DDHD1: variants seen among roughly 807,000 people sequenced by gnomAD.
DDHD1 encodes the protein DDHD domain containing 1, also known as phospholipase DDHD1.
A neutral mutation model predicts 96.4 loss-of-function variants in DDHD1; 49 were observed. That is an observed-to-expected ratio of 0.51 (90% CI 0.40 to 0.64). The LOEUF (loss-of-function observed/expected upper bound fraction) is 0.64. DDHD1 is among the 30% of genes least tolerant of loss of function. The pLI, the probability that DDHD1 is intolerant of heterozygous loss-of-function variation, is 0.00. For missense variants in DDHD1, 1,106 were observed against 1,161.2 expected, an observed-to-expected ratio of 0.95 and a Z score of 0.69; for synonymous variants, 442 against 446.5, an observed-to-expected ratio of 0.99 and a Z score of 0.13.
At chr14:53,120,432 G>A (rs1888896939) in intron 1 of DDHD1, among the ~76,000 whole-genome samples, 1 of 152,016 alleles carries the variant, frequency 6.6e-6, no homozygotes, top group Non-Finnish European at 1.5e-5. Flanking sequence ...TTTCTTTGCA[G>A]AATTAGAAAA....
At chr14:53,119,040 A>G (rs996812992) in intron 1 of DDHD1, among the ~76,000 whole-genome samples, 1 of 152,230 alleles carries the variant, frequency 6.6e-6, no homozygotes, top group African/African-American at 2.4e-5. Flanking sequence ...TTTTCAACCC[A>G]GAATCTCATA....
At chr14:53,070,267 T>A (rs1350520455) in intron 6 of DDHD1, among the ~76,000 whole-genome samples, 2 of 152,162 alleles carry the variant, frequency 1.3e-5, no homozygotes, top group Non-Finnish European at 2.9e-5. Flanking sequence ...AATTCATTAT[T>A]TTCTTTATGT....
chr14:53,056,557 A>G (rs1328333766), intron 9 of DDHD1, among the ~76,000 whole-genome samples: 5 of 152,044 alleles, frequency 3.3e-5, no homozygotes. Context: ...TCAGCCTCCC[A>G]AAGGGTTGGG....
Position 53,153,040 on chromosome 14 carries a change from C to G in DDHD1, c.59G>C (p.Gly20Ala). The G allele has an allele frequency of 6.7e-7, 1 of 1,496,896 alleles. No homozygotes were observed. Among genetic ancestry groups the G allele is most frequent in the South Asian group, 1.3e-5 (1 of 77,656 alleles). 92.7% of individuals were successfully genotyped at this position (1,496,896 alleles called of 1,614,324 possible). The change falls in exon 1 of 13, where the codon GGC (glycine) becomes GCC (alanine). Residue 20 changes from glycine (G) to alanine (A), a missense_variant. This residue lies in a region of DDHD1 where 456 missense variants were observed against 402.4 expected (regional missense o/e 1.13). Coordinates refer to ENST00000673822, the MANE Select transcript of DDHD1 (RefSeq NM_001160148.2). ...RSPEHNGRGG[G>A]GGAWELGSDA... is the part of the protein sequence containing the mutation. ...TGAGCCCAGCTCCCAGGCGCCGCCG[C>G]CGCCGCCTCGGCCGTTATGCTCGGG...
intron 12 of DDHD1, 34 bp from the exon 13 acceptor site, chr14:53,046,983 G>T (rs1378056389): frequency 1.3e-6 from 2 of 1,539,734 alleles, no homozygotes; most frequent in Admixed American, 3.9e-5. Context: ...AATGAATACA[G>T]ATTATAATAA....
At chr14:53,074,318 T>C (rs2139920347) in intron 4 of DDHD1, among the ~76,000 whole-genome samples, 1 of 151,964 alleles carries the variant, frequency 6.6e-6, no homozygotes, top group Non-Finnish European at 1.5e-5. Flanking sequence ...TTAGCACATG[T>C]GCAGATTTGT....
rs931484005 is a variant in DDHD1, at chr14:53,042,538, C to T, written c.*4230G>A. On this transcript the variant is annotated 3_prime_UTR_variant, in exon 13 of 13. Transcript: ENST00000673822. Reference sequence around the variant, plus strand: ...TGATCTCTAAAAATCTGTACAGACCCGGAAATTTTACAGTTCTTTGAAAAC... The same window carrying T: ...TGATCTCTAAAAATCTGTACAGACCTGGAAATTTTACAGTTCTTTGAAAAC... The T allele has an allele frequency of 1.2e-4, 18 of 152,102 alleles. No individual in the cohort carries two copies. The highest frequency in any genetic ancestry group is 1.1e-3 in the Admixed American group (17 of 15,256). The allele number at this position is 152,102 out of a possible 1,614,324, so 9.4% of individuals were successfully genotyped here.
intron 4 of DDHD1, among the ~76,000 whole-genome samples, chr14:53,074,285 T>G (rs2065818): frequency 1.3e-5 from 2 of 151,820 alleles, no homozygotes; most frequent in African/African-American, 4.8e-5. Context: ...CTTTTCTCCC[T>G]TTTGGTGTCA....
At position 53,103,665 on chromosome 14, in the gene DDHD1, T is replaced by C. The variant is rs1304911666; in HGVS notation, c.1012+18A>G. Reference sequence around the variant, plus strand: ...TACTTGGTTTGTAGAATATATTAAATGTATCAATTGATCTTACCATCTTTT... The same window carrying C: ...TACTTGGTTTGTAGAATATATTAAACGTATCAATTGATCTTACCATCTTTT... On this transcript the variant is annotated intron_variant, in intron 2 of 12. Transcript: ENST00000673822. 8 of 1,589,254 alleles carry C rather than the reference T, an allele frequency of 5.0e-6. No individual in the cohort carries two copies. The highest frequency in any genetic ancestry group is 6.8e-6 in the Non-Finnish European group (8 of 1,168,176).
chr14:53,093,345 G>C lies in DDHD1; in HGVS notation c.1112C>G (p.Thr371Arg), dbSNP rs1261799883. Reference protein sequence around the residue: ...SDATTSKIARTVTQKLGFSKA... With the variant: ...SDATTSKIARRVTQKLGFSKA... ...AGAAAATCCCAGTTTTTGGGTAACT[G>C]TTCTTGCAATTTTAGATGTTGTTGC... Residue 371 changes from threonine (T) to arginine (R), a missense_variant, in exon 3 of 13, where the codon ACA becomes AGA. Physicochemically the swap from Thr to Arg is moderately conservative, Grantham distance 71. Coordinates refer to ENST00000673822, the MANE Select transcript of DDHD1 (RefSeq NM_001160148.2). 6.2e-7 allele frequency: 1 copy of C among 1,611,846 alleles called. No homozygotes were observed. Among genetic ancestry groups the C allele is most frequent in the Non-Finnish European group, 8.5e-7 (1 of 1,179,440 alleles).
At chr14:53,121,950 G>T (rs1189520948) in intron 1 of DDHD1, among the ~76,000 whole-genome samples, 3 of 148,878 alleles carry the variant, frequency 2.0e-5, no homozygotes, top group Non-Finnish European at 4.4e-5. Context: ...AAATGATACT[G>T]TGTAAATTAT....
chr14:53,052,482 GAATCACCT>G (rs1882683431), intron 11 of DDHD1: 1 of 152,100 alleles, frequency 6.6e-6, no homozygotes, highest in South Asian at 2.1e-4. Context: ...AGGGAAGCCA[GAATCACCT>G]AATCACAATG....
chr14:53,050,323 C>G (rs1006162121), intron 12 of DDHD1, among the ~76,000 whole-genome samples: 2 of 152,132 alleles, frequency 1.3e-5, no homozygotes, highest in African/African-American at 4.8e-5. Flanking sequence ...GGGAGTAGTT[C>G]TGAATTTGCC....
At chr14:53,083,830 T>C (rs1163756333) in intron 4 of DDHD1, among the ~76,000 whole-genome samples, 1 of 152,240 alleles carries the variant, frequency 6.6e-6, no homozygotes, top group African/African-American at 2.4e-5. Flanking sequence ...TTCCATTGAT[T>C]ACTAAGTTAT....
At chr14:53,104,697 T>A (rs1013664424) in intron 1 of DDHD1, among the ~76,000 whole-genome samples, 1 of 152,282 alleles carries the variant, frequency 6.6e-6, no homozygotes, top group East Asian at 1.9e-4. Flanking sequence ...GACTTTTAGT[T>A]GTTATTTAAA....
intron 4 of DDHD1, among the ~76,000 whole-genome samples, chr14:53,086,921 C>A (rs1315113743): frequency 1.5e-5 from 2 of 135,342 alleles, no homozygotes; most frequent in African/African-American, 5.7e-5. Flanking sequence ...CAGACACACA[C>A]ACAGGCCCAA....
intron 4 of DDHD1, among the ~76,000 whole-genome samples, chr14:53,080,469 T>G (rs1399062888): frequency 6.6e-6 from 1 of 152,222 alleles, no homozygotes; most frequent in Non-Finnish European, 1.5e-5. Flanking sequence ...AACATATTTT[T>G]ATTTTTAGAA....
At chr14:53,149,075 G>A (rs893034302) in intron 1 of DDHD1, among the ~76,000 whole-genome samples, 9 of 152,084 alleles carry the variant, frequency 5.9e-5, no homozygotes, top group African/African-American at 1.9e-4. Context: ...TGTTTACTAC[G>A]ATATTTTTTC....
In DDHD1 at chr14:53,070,867, GTTAGGAA is replaced by G. The variant is rs1198886334; in HGVS notation, c.1503+1723_1503+1729del. Among the ~76,000 whole-genome samples, 65 of 152,168 alleles carry G rather than the reference GTTAGGAA, an allele frequency of 4.3e-4. No homozygotes were observed. In the East Asian group the frequency reaches 9.3e-3, roughly 22 times the overall value. ...TCCATACTTAGTTTTTCAAAGCTTAGTTAGGAATATTTTTAGATTAAAAACACTGATG... is the reference window on the plus strand; with the variant it reads ...TCCATACTTAGTTTTTCAAAGCTTAGTATTTTTAGATTAAAAACACTGATG... On this transcript the variant is annotated intron_variant, in intron 6 of 12. Transcript: ENST00000673822.
Sources: allele counts gnomAD v4.1 joint callset (sites outside exome capture counted in the v4.1 genomes callset), GRCh38; gene constraint gnomAD v4.1.1; regional missense constraint gnomAD v4.1.1; transcripts MANE v1.5; gene names NCBI Gene and HGNC (gene_info 2026-07-23, HGNC 2026-07-21).